Variants in PARD3 observed in about 807,000 individuals in gnomAD.
PARD3 encodes the protein partitioning defective 3 homolog.
Under a neutral mutation model 155.4 loss-of-function variants are expected in PARD3, and 75 were observed. That is an observed-to-expected ratio of 0.48 (90% CI 0.40 to 0.58). The LOEUF is 0.58. Ranked by LOEUF, PARD3 falls within the 20% of genes least tolerant of loss-of-function variation. The pLI is 0.00. For synonymous variants in PARD3, 576 were observed against 610.5 expected, an observed-to-expected ratio of 0.94 and a Z score of 0.83; for missense variants, 1,642 against 1,721.7, an observed-to-expected ratio of 0.95 and a Z score of 0.82.
At chr10:34,524,882 C>A (rs760320210) in intron 2 of PARD3, among the ~76,000 whole-genome samples, 2 of 152,062 alleles carry the variant, frequency 1.3e-5, no homozygotes, top group Non-Finnish European at 2.9e-5. Flanking sequence ...GTAAGACTGG[C>A]AAATGGGCAA....
At position 34,450,341 on chromosome 10, in the gene PARD3, G is replaced by A; in HGVS notation, c.690C>T (p.Gly230=). 6.2e-7 allele frequency: 1 copy of A among 1,613,764 alleles called. No homozygotes were observed. Among genetic ancestry groups the A allele is most frequent in the South Asian group, 1.1e-5 (1 of 91,020 alleles). Residue 230 remains glycine (G), a synonymous_variant, in exon 5 of 25, where the codon GGC becomes GGT. Coordinates refer to ENST00000374788, the MANE Select transcript of PARD3 (RefSeq NM_001184785.2). ...SSLSASHPMV[G]KWLEKQEQDE... is the part of the protein sequence containing the mutation. ...CCTGTTCTTGTTTCTCCAGCCACTT[G>A]CCCACCATTGGGTGACTGGCACTCA...
intron 1 of PARD3, among the ~76,000 whole-genome samples, chr10:34,770,432 T>A (rs1169997346): frequency 2.6e-5 from 4 of 152,188 alleles, no homozygotes; most frequent in African/African-American, 9.7e-5. Context: ...CCAAACACCC[T>A]GCACATAAAA....
At chr10:34,203,233 C>G (rs1951304508) in intron 22 of PARD3, among the ~76,000 whole-genome samples, 1 of 152,190 alleles carries the variant, frequency 6.6e-6, no homozygotes, top group Non-Finnish European at 1.5e-5. Context: ...AAGCAAAACA[C>G]TTCAATCTAT....
intron 1 of PARD3, among the ~76,000 whole-genome samples, chr10:34,705,484 T>C (rs1232048164): frequency 8.0e-6 from 1 of 124,688 alleles, no homozygotes; most frequent in Non-Finnish European, 1.6e-5. Flanking sequence ...TCAGACCCTG[T>C]CTCAGGAAAA....
chr10:34,421,805 TAAAGA>T (rs369670375), intron 5 of PARD3, among the ~76,000 whole-genome samples: 137 of 152,272 alleles, frequency 9.0e-4, no homozygotes, highest in Middle Eastern at 3.4e-3. Context: ...ACAATAAATG[TAAAGA>T]ATTGTATGTA....
At chr10:34,306,735 A>C (rs954268171) in intron 20 of PARD3, among the ~76,000 whole-genome samples, 1 of 152,222 alleles carries the variant, frequency 6.6e-6, no homozygotes, top group Admixed American at 6.5e-5. Flanking sequence ...GTGTGCAGTC[A>C]CAGGTATGTA....
chr10:34,540,077 C>T lies in PARD3; in HGVS notation c.223-22918G>A, dbSNP rs560679367. Among the ~76,000 whole-genome samples, 22 of 152,240 alleles carry T rather than the reference C, an allele frequency of 1.4e-4. No homozygotes were observed. In the South Asian group the frequency reaches 2.3e-3, roughly 16 times the overall value. On this transcript the variant is annotated intron_variant, in intron 2 of 24. Coordinates refer to ENST00000374788, the MANE Select transcript of PARD3 (RefSeq NM_001184785.2). Reference sequence around the variant, plus strand: ...CTGGAACAGAAGCCTCAGGAGCCACCGTGTCCTTTCCCAGGGTCGTGGCCC... The same window carrying T: ...CTGGAACAGAAGCCTCAGGAGCCACTGTGTCCTTTCCCAGGGTCGTGGCCC...
chr10:34,604,494 T>G lies in PARD3; in HGVS notation c.223-87335A>C, dbSNP rs192865181. Among the ~76,000 whole-genome samples, 283 of 151,926 alleles carry G rather than the reference T, an allele frequency of 1.9e-3. 2 individuals are homozygous for G. The highest frequency in any genetic ancestry group is 6.7e-3 in the African/African-American group (276 of 41,450). On this transcript the variant is annotated intron_variant, in intron 2 of 24. Coordinates refer to ENST00000374788, the MANE Select transcript of PARD3 (RefSeq NM_001184785.2). ...TCCGTTTTGGGACTCTGGCTCTCCT[T>G]GCTCCTCAGCTTGCAGATGGCCTAT...
At chr10:34,660,975 GA>G (rs1271782136) in intron 2 of PARD3, among the ~76,000 whole-genome samples, 4 of 151,894 alleles carry the variant, frequency 2.6e-5, no homozygotes, top group East Asian at 3.9e-4. Context: ...CTGACATAAT[GA>G]AATAGTAATG....
At chr10:34,304,938 A>C (rs1275090123) in intron 20 of PARD3, among the ~76,000 whole-genome samples, 1 of 152,206 alleles carries the variant, frequency 6.6e-6, no homozygotes, top group Non-Finnish European at 1.5e-5. Flanking sequence ...TGGAATAAAA[A>C]CTGATAATAG....
intron 2 of PARD3, among the ~76,000 whole-genome samples, chr10:34,542,229 GTGTGT>G (rs1564826055): frequency 0.023 from 123 of 5,260 alleles, 1 homozygote; most frequent in East Asian, 0.042. Flanking sequence ...GTGTGTGTGT[GTGTGT>G]GTGTGCACAC....
Position 34,793,291 on chromosome 10 carries a change from G to C in PARD3, c.120+21585C>G, listed in dbSNP as rs548058648. Reference sequence around the variant, plus strand: ...ACTCACGAACACAAGGGAGCTGGAGGGCAGTAGGACTCCAGGGCAGCAGTG... The same window carrying C: ...ACTCACGAACACAAGGGAGCTGGAGCGCAGTAGGACTCCAGGGCAGCAGTG... On this transcript the variant is annotated intron_variant, in intron 1 of 24. Coordinates refer to ENST00000374788, the MANE Select transcript of PARD3 (RefSeq NM_001184785.2). Among the ~76,000 whole-genome samples, 4 of 152,292 alleles carry C rather than the reference G, an allele frequency of 2.6e-5. No individual in the cohort carries two copies. In the East Asian group the frequency reaches 7.7e-4, roughly 29 times the overall value.
chr10:34,402,541 T>C (rs1462371201), intron 5 of PARD3, among the ~76,000 whole-genome samples: 3 of 152,174 alleles, frequency 2.0e-5, no homozygotes, highest in Non-Finnish European at 4.4e-5. Flanking sequence ...TGTAAAGGTA[T>C]TAAGGTCTTA....
At chr10:34,335,896 A>G (rs953466776) in intron 18 of PARD3, among the ~76,000 whole-genome samples, 2 of 152,076 alleles carry the variant, frequency 1.3e-5, no homozygotes, top group African/African-American at 4.8e-5. Flanking sequence ...TCACGTTTGC[A>G]GGATTTTGAT....
intron 23 of PARD3, among the ~76,000 whole-genome samples, chr10:34,120,929 A>T (rs1946962024): frequency 6.6e-6 from 1 of 152,106 alleles, no homozygotes; most frequent in African/African-American, 2.4e-5. Context: ...GCAGTGGCAC[A>T]TGTCTGTGAT....
chr10:34,579,127 G>A (rs549304193), intron 2 of PARD3, among the ~76,000 whole-genome samples: 7 of 152,154 alleles, frequency 4.6e-5, no homozygotes, highest in African/African-American at 1.2e-4. Flanking sequence ...AAACTTAGAC[G>A]GGCATGGTGG....
intron 12 of PARD3, among the ~76,000 whole-genome samples, chr10:34,366,353 G>T (rs1256463682): frequency 2.6e-5 from 4 of 152,134 alleles, no homozygotes; most frequent in Admixed American, 2.6e-4. Flanking sequence ...GGTAGGGTAG[G>T]CTGGGTTACA....
At chr10:34,192,527 C>T (rs1342649773) in intron 22 of PARD3, among the ~76,000 whole-genome samples, 2 of 152,124 alleles carry the variant, frequency 1.3e-5, no homozygotes, top group Non-Finnish European at 2.9e-5. Context: ...TTGCTTAATG[C>T]TTCGTAAAAA....
Position 34,491,394 on chromosome 10 carries a change from A to G in PARD3, c.404-21131T>C, listed in dbSNP as rs1216739562. 5.3e-5 allele frequency among the ~76,000 whole-genome samples: 8 copies of G among 152,356 alleles called. No individual in the cohort carries two copies. In the East Asian group the frequency reaches 1.5e-3, roughly 29 times the overall value. On this transcript the variant is annotated intron_variant, in intron 3 of 24. Transcript: ENST00000374788. Reference sequence around the variant, plus strand: ...TACTTCTTTCTAACTTTAATTTGAAAAAGTTATATAGAAATAATTGTTTTT... The same window carrying G: ...TACTTCTTTCTAACTTTAATTTGAAGAAGTTATATAGAAATAATTGTTTTT...
Sources: allele counts gnomAD v4.1 joint callset (sites outside exome capture counted in the v4.1 genomes callset), GRCh38; gene constraint gnomAD v4.1.1; transcripts MANE v1.5; gene names NCBI Gene and HGNC (gene_info 2026-07-23, HGNC 2026-07-21).